The following PCSK1 variants were observed in gnomAD, a reference collection of about 807,000 sequenced individuals.
The protein encoded by PCSK1 is proprotein convertase subtilisin/kexin type 1, also known as neuroendocrine convertase 1.
Under a neutral mutation model 90.6 loss-of-function variants are expected in PCSK1, and 56 were observed. The observed-to-expected ratio is 0.62, with a 90% CI of 0.50 to 0.77. The LOEUF (loss-of-function observed/expected upper bound fraction) is 0.77, where lower values mean the gene tolerates loss of function less well. Ranked by LOEUF, PCSK1 falls within the 30% of genes least tolerant of loss-of-function variation. The pLI, the probability that PCSK1 is intolerant of heterozygous loss-of-function variation, is 0.00. For missense variants in PCSK1, 801 were observed against 932.6 expected (o/e 0.86, Z 1.84); for synonymous variants, 348 against 342.4 (o/e 1.02, Z -0.18).
chr5:96,412,752 G>GTTTTTTTTTT (rs57397343), intron 6 of PCSK1, among the ~76,000 whole-genome samples: 8 of 71,800 alleles, frequency 1.1e-4, no homozygotes, highest in African/African-American at 4.5e-4. Flanking sequence ...CAGCTGTGAT[G>GTTTTTTTTTT]TTTTTTTTTT....
At chr5:96,401,715 C>G (rs865899243) in intron 9 of PCSK1, among the ~76,000 whole-genome samples, 1 of 152,052 alleles carries the variant, frequency 6.6e-6, no homozygotes, top group African/African-American at 2.4e-5. Flanking sequence ...TTCTAACATG[C>G]GGGAAACTCA....
At chr5:96,408,382 T>C in intron 8 of PCSK1, 59 bp from the exon 9 acceptor site, 1 of 1,213,248 alleles carries the variant, frequency 8.2e-7, no homozygotes, top group Non-Finnish European at 1.2e-6. Context: ...TGTGGGCCTG[T>C]CTTGGGGGTT....
intron 6 of PCSK1, chr5:96,413,047 A>T: frequency 2.8e-6 from 2 of 702,966 alleles, no homozygotes; most frequent in East Asian, 1.3e-4. Context: ...GCTTCAAAAG[A>T]TCTAGTCACA....
chr5:96,394,960 A>C lies in PCSK1; in HGVS notation c.1788T>G (p.Ser596=). Residue 596 remains serine, a synonymous_variant, in exon 13 of 14, where the codon TCT becomes TCG. Coordinates refer to ENST00000311106, the MANE Select transcript of PCSK1 (RefSeq NM_000439.5). The part of the protein sequence containing the change: ...NWKLILHGTS[S]QPEHMKQPRV... ...GAGGCTGCTTCATATGCTCTGGCTGAGAAGAGGTCCCGTGCAAAATCAGCT... is the reference window on the plus strand; with the variant it reads ...GAGGCTGCTTCATATGCTCTGGCTGCGAAGAGGTCCCGTGCAAAATCAGCT... 6.2e-7 allele frequency: 1 copy of C among 1,614,030 alleles called. No individual in the cohort carries two copies. Among genetic ancestry groups the C allele is most frequent in the Non-Finnish European group, 8.5e-7 (1 of 1,179,858 alleles).
chr5:96,422,918 A>G (rs1347747148), intron 4 of PCSK1, among the ~76,000 whole-genome samples: 1 of 145,008 alleles, frequency 6.9e-6, no homozygotes, highest in East Asian at 1.9e-4. Flanking sequence ...ATATAATTTT[A>G]CAATGTCAGG....
chr5:96,411,787 C>T (rs1450796499), intron 7 of PCSK1, among the ~76,000 whole-genome samples: 1 of 152,142 alleles, frequency 6.6e-6, no homozygotes, highest in Non-Finnish European at 1.5e-5. Context: ...ACCTCAGACC[C>T]AAATAGGGAA....
At chr5:96,417,849 C>T (rs576634494) in intron 5 of PCSK1, among the ~76,000 whole-genome samples, 1 of 152,320 alleles carries the variant, frequency 6.6e-6, no homozygotes, top group Admixed American at 6.5e-5. Flanking sequence ...TGGATGAACG[C>T]TCTTTGCCTT....
chr5:96,392,998 A>G lies in PCSK1; in HGVS notation c.*3T>C. On this transcript the variant is annotated 3_prime_UTR_variant, in exon 14 of 14. Transcript: ENST00000311106. ...ATTTCCAACTTGGGACCACACACTTATTTTAATTTTCCTCATTCAGAATGT... is the reference window on the plus strand; with the variant it reads ...ATTTCCAACTTGGGACCACACACTTGTTTTAATTTTCCTCATTCAGAATGT... 1 of 1,614,096 alleles carries G rather than the reference A, an allele frequency of 6.2e-7. No homozygotes were observed. Among genetic ancestry groups the G allele is most frequent in the Non-Finnish European group, 8.5e-7 (1 of 1,179,962 alleles).
intron 2 of PCSK1, among the ~76,000 whole-genome samples, chr5:96,428,846 G>C (rs1404434810): frequency 6.6e-6 from 1 of 152,090 alleles, no homozygotes; most frequent in Non-Finnish European, 1.5e-5. Context: ...ATAAAAGGTT[G>C]TTGATTGACT....
At chr5:96,411,978 A>G (rs1760768932) in intron 7 of PCSK1, among the ~76,000 whole-genome samples, 1 of 152,084 alleles carries the variant, frequency 6.6e-6, no homozygotes. Flanking sequence ...CCACAGTTTC[A>G]CTGTCTAAAC....
chr5:96,414,651 C>T (rs1338082015), intron 6 of PCSK1, among the ~76,000 whole-genome samples: 1 of 152,224 alleles, frequency 6.6e-6, no homozygotes, highest in Non-Finnish European at 1.5e-5. Flanking sequence ...TACACTGCCA[C>T]AAACTTGCTT....
At chr5:96,403,303 T>C (rs1422915949) in intron 9 of PCSK1, among the ~76,000 whole-genome samples, 1 of 152,214 alleles carries the variant, frequency 6.6e-6, no homozygotes, top group Admixed American at 6.5e-5. Context: ...CTAGGGTACA[T>C]GTGCACAACG....
Position 96,416,331 on chromosome 5 carries a change from C to T in PCSK1, c.621-210G>A, listed in dbSNP as rs1212345060. On this transcript the variant is annotated intron_variant, in intron 5 of 13. Transcript: ENST00000311106. ...CAAAGTATGTGATTTCAAATTCTGGCTTCTGCCATTCACTAAGGGTGTGAC... is the reference window on the plus strand; with the variant it reads ...CAAAGTATGTGATTTCAAATTCTGGTTTCTGCCATTCACTAAGGGTGTGAC... Among the ~76,000 whole-genome samples, 3 of 152,190 alleles carry T rather than the reference C, an allele frequency of 2.0e-5. No individual in the cohort carries two copies. The East Asian group carries it at 5.8e-4, about 29-fold the overall frequency.
Position 96,410,786 on chromosome 5 carries a change from G to A in PCSK1, c.1083C>T (p.Thr361=), listed in dbSNP as rs1288453060. 4 of 1,612,900 alleles carry A rather than the reference G, an allele frequency of 2.5e-6. No homozygotes were observed. The highest frequency in any genetic ancestry group is 2.2e-5 in the East Asian group (1 of 44,886). ...LATSYSSGDY[T]DQRITSADLH... Reference sequence around the variant, plus strand: ...AAAAGCAACATACGATTCTCTGGTCGGTGTAATCTCCGCTGCTGTAAGAGG... The same window carrying A: ...AAAAGCAACATACGATTCTCTGGTCAGTGTAATCTCCGCTGCTGTAAGAGG... Residue 361 remains threonine, a synonymous_variant, in exon 8 of 14, where the codon ACC becomes ACT. Coordinates refer to ENST00000311106, the MANE Select transcript of PCSK1 (RefSeq NM_000439.5).
chr5:96,433,124 C>T lies in PCSK1; in HGVS notation c.-82G>A. The T allele has an allele frequency of 7.5e-7, 1 of 1,325,996 alleles. No homozygotes were observed. Among genetic ancestry groups the T allele is most frequent in the South Asian group, 1.2e-5 (1 of 85,144 alleles). The allele number at this position is 1,325,996 out of a possible 1,614,324, so 82.1% of individuals were successfully genotyped here. ...AGGAGAAAAGCCAGACAGACTCCCCCTTCCCACCCTCGGGCTCTAGACCAC... is the reference window on the plus strand; with the variant it reads ...AGGAGAAAAGCCAGACAGACTCCCCTTTCCCACCCTCGGGCTCTAGACCAC... On this transcript the variant is annotated 5_prime_UTR_variant, in exon 1 of 14. Coordinates refer to ENST00000311106, the MANE Select transcript of PCSK1 (RefSeq NM_000439.5).
At chr5:96,431,237 A>G (rs996531967) in intron 1 of PCSK1, among the ~76,000 whole-genome samples, 1 of 152,120 alleles carries the variant, frequency 6.6e-6, no homozygotes, top group African/African-American at 2.4e-5. Context: ...ACTTACTACT[A>G]AACTGTATTA....
At chr5:96,401,921 A>G (rs1222272021) in intron 9 of PCSK1, among the ~76,000 whole-genome samples, 1 of 152,230 alleles carries the variant, frequency 6.6e-6, no homozygotes, top group African/African-American at 2.4e-5. Context: ...ATATAATTTT[A>G]AAACATATTG....
intron 12 of PCSK1, among the ~76,000 whole-genome samples, chr5:96,396,298 C>T (rs1438226433): frequency 6.6e-6 from 1 of 152,164 alleles, no homozygotes; most frequent in Non-Finnish European, 1.5e-5. Flanking sequence ...TGGTGGCTTA[C>T]ACCTGTAATC....
intron 5 of PCSK1, among the ~76,000 whole-genome samples, chr5:96,417,856 C>A (rs1760984177): frequency 6.6e-6 from 1 of 152,146 alleles, no homozygotes; most frequent in Non-Finnish European, 1.5e-5. Context: ...ACGCTCTTTG[C>A]CTTAGTAGAA....
Sources: gnomAD v4.1 joint callset for allele counts (sites outside exome capture counted in the v4.1 genomes callset) on GRCh38, gnomAD v4.1.1 for gene constraint, MANE v1.5 for transcripts, NCBI Gene and HGNC (gene_info 2026-07-23, HGNC 2026-07-21) for gene names.